INPP4B: variants seen among roughly 807,000 people sequenced by gnomAD.
INPP4B encodes the protein inositol polyphosphate 4-phosphatase type II.
A neutral mutation model predicts 122.5 loss-of-function variants in INPP4B; 55 were observed. The ratio of observed to expected loss-of-function variants is 0.45; its 90% CI spans 0.36 to 0.56. INPP4B has a LOEUF of 0.56. INPP4B is among the 20% of genes least tolerant of loss of function. The pLI is 0.00. For missense variants in INPP4B, 1,000 were observed against 1,097.7 expected (o/e 0.91, Z 1.26); for synonymous variants, 403 against 388.7 (o/e 1.04, Z -0.43).
rs1287821311 is a variant in INPP4B, at chr4:142,108,112, C to T, written c.2355G>A (p.Met785Ile). 3.2e-6 allele frequency: 5 copies of T among 1,553,626 alleles called. No homozygotes were observed. The highest frequency in any genetic ancestry group is 4.4e-6 in the Non-Finnish European group (5 of 1,127,542). ...ACTTACAATCAGGAGGCATCTTTTC[C>T]ATAAATATCTTGTAATATTCTTGTA... is the stretch of plus-strand genomic sequence containing the variant. ...ELLQEYYKIFMEKMPPDYISH... is the reference protein window; with the variant it reads ...ELLQEYYKIFIEKMPPDYISH... Residue 785 changes from methionine to isoleucine, a missense_variant, in exon 23 of 26, where the codon ATG becomes ATA. Coordinates refer to ENST00000262992, the MANE Select transcript of INPP4B (RefSeq NM_001101669.3).
chr4:142,762,902 C>G lies in INPP4B; in HGVS notation c.-253-37001G>C, dbSNP rs534156324. On this transcript the variant is annotated intron_variant, in intron 1 of 25. Coordinates refer to ENST00000262992, the MANE Select transcript of INPP4B (RefSeq NM_001101669.3). ...AGCCCTCACAAATGGGATTAATGAT[C>G]TTATAAAAGAGGTGTGAGGGAGCTG... Among the ~76,000 whole-genome samples the G allele has an allele frequency of 1.2e-4, 19 of 152,202 alleles. No individual in the cohort carries two copies. The South Asian group carries it at 2.1e-3, about 17-fold the overall frequency.
intron 3 of INPP4B, among the ~76,000 whole-genome samples, chr4:142,453,697 C>T (rs886330426): frequency 6.6e-6 from 1 of 152,124 alleles, no homozygotes; most frequent in Non-Finnish European, 1.5e-5. Context: ...ATTCTTTTTA[C>T]CACAAGCAGT....
intron 2 of INPP4B, among the ~76,000 whole-genome samples, chr4:142,659,420 A>AG (rs1364354490): frequency 5.9e-5 from 9 of 151,976 alleles, no homozygotes; most frequent in Non-Finnish European, 1.3e-4. Context: ...GAAAAAAAAA[A>AG]GAGGACTGGA....
chr4:142,151,737 G>C (rs1814038820), intron 17 of INPP4B, among the ~76,000 whole-genome samples: 1 of 152,032 alleles, frequency 6.6e-6, no homozygotes, highest in African/African-American at 2.4e-5. Context: ...TCTATAGTTG[G>C]GTAGACCTAG....
At chr4:142,243,915 ATTATT>A (rs1448737603) in intron 11 of INPP4B, among the ~76,000 whole-genome samples, 1 of 151,102 alleles carries the variant, frequency 6.6e-6, no homozygotes, top group African/African-American at 2.4e-5. Context: ...TATTATTATT[ATTATT>A]TATTATTATA....
intron 5 of INPP4B, among the ~76,000 whole-genome samples, chr4:142,420,099 C>T (rs771129602): frequency 1.3e-5 from 2 of 150,592 alleles, no homozygotes; most frequent in African/African-American, 4.9e-5. Flanking sequence ...GGATGAAAGA[C>T]AAATTAAAAA....
At chr4:142,117,039 T>C (rs193165866) in intron 21 of INPP4B, among the ~76,000 whole-genome samples, 125 of 152,086 alleles carry the variant, frequency 8.2e-4, no homozygotes, top group African/African-American at 2.9e-3. Context: ...AACACCACTA[T>C]GCAAATAAAC....
chr4:142,500,623 G>T (rs758593667), intron 2 of INPP4B, among the ~76,000 whole-genome samples: 4 of 152,156 alleles, frequency 2.6e-5, no homozygotes, highest in Non-Finnish European at 2.9e-5. Flanking sequence ...AGGGCATTTA[G>T]GTTGTTTCCA....
intron 2 of INPP4B, among the ~76,000 whole-genome samples, chr4:142,560,998 T>A (rs572420689): frequency 3.5e-4 from 53 of 152,352 alleles, no homozygotes; most frequent in African/African-American, 1.1e-3. Context: ...AAGACCTTTT[T>A]ATTATCATTT....
At chr4:142,339,383 A>G (rs1356034425) in intron 7 of INPP4B, among the ~76,000 whole-genome samples, 1 of 152,234 alleles carries the variant, frequency 6.6e-6, no homozygotes, top group Non-Finnish European at 1.5e-5. Flanking sequence ...AGGCTCATAT[A>G]CAAAGCACAT....
intron 1 of INPP4B, among the ~76,000 whole-genome samples, chr4:142,805,585 C>T (rs1174348116): frequency 6.6e-6 from 1 of 152,160 alleles, no homozygotes; most frequent in Non-Finnish European, 1.5e-5. Context: ...ACCAACCCTT[C>T]CTTTCCTTCC....
chr4:142,701,469 T>C (rs1389082853), intron 2 of INPP4B, among the ~76,000 whole-genome samples: 1 of 144,966 alleles, frequency 6.9e-6, no homozygotes, highest in African/African-American at 2.6e-5. Context: ...AGATACATGC[T>C]GAAAATGAAA....
chr4:142,384,792 CTAGTACCCAA>C (rs1795396072), intron 7 of INPP4B, among the ~76,000 whole-genome samples: 1 of 152,040 alleles, frequency 6.6e-6, no homozygotes, highest in Non-Finnish European at 1.5e-5. Context: ...GGTATTAAGC[CTAGTACCCAA>C]TAGTTATTTT....
At chr4:142,237,759 A>G (rs773398227) in intron 12 of INPP4B, 105 bp downstream of exon 12, 4 of 607,408 alleles carry the variant, frequency 6.6e-6, no homozygotes, top group East Asian at 2.9e-5. Flanking sequence ...TTCACAATGC[A>G]TACATATTTC....
At chr4:142,817,197 C>T (rs963819350) in intron 1 of INPP4B, among the ~76,000 whole-genome samples, 5 of 152,126 alleles carry the variant, frequency 3.3e-5, no homozygotes, top group African/African-American at 1.2e-4. Context: ...GTTGATAAGC[C>T]TGTTCTTATA....
intron 1 of INPP4B, among the ~76,000 whole-genome samples, chr4:142,844,559 A>G (rs1168505944): frequency 6.6e-6 from 1 of 152,244 alleles, no homozygotes; most frequent in Non-Finnish European, 1.5e-5. Flanking sequence ...ATCATTTCCT[A>G]TCAATGCTTT....
At chr4:142,438,803 C>A (rs999797670) in intron 3 of INPP4B, among the ~76,000 whole-genome samples, 1 of 152,066 alleles carries the variant, frequency 6.6e-6, no homozygotes, top group African/African-American at 2.4e-5. Flanking sequence ...ATCTACCCGT[C>A]GGACAAAGGC....
At chr4:142,362,791 T>C (rs1785935960) in intron 7 of INPP4B, among the ~76,000 whole-genome samples, 1 of 151,958 alleles carries the variant, frequency 6.6e-6, no homozygotes, top group African/African-American at 2.4e-5. Context: ...GCATTGGGTA[T>C]ACACAGACAT....
intron 1 of INPP4B, among the ~76,000 whole-genome samples, chr4:142,830,487 G>A (rs1290985883): frequency 1.3e-5 from 2 of 152,130 alleles, no homozygotes; most frequent in Non-Finnish European, 1.5e-5. Flanking sequence ...GAAGAGAAAA[G>A]AGGCTAGCTA....
Sources: allele counts gnomAD v4.1 joint callset (sites outside exome capture counted in the v4.1 genomes callset), GRCh38; gene constraint gnomAD v4.1.1; transcripts MANE v1.5; gene names NCBI Gene and HGNC (gene_info 2026-07-23, HGNC 2026-07-21).